Variants in OXR1 observed in about 807,000 individuals in gnomAD.
The protein encoded by OXR1 is oxidation resistance protein 1.
In OXR1, 41 loss-of-function variants were observed where a neutral mutation model predicts 104.6. That is an observed-to-expected ratio of 0.39 (90% CI 0.31 to 0.51). The LOEUF (loss-of-function observed/expected upper bound fraction) is 0.51, where lower values mean the gene tolerates loss of function less well. OXR1 is among the 20% of genes least tolerant of loss of function. OXR1 has a pLI of 0.77. For missense variants in OXR1, 955 were observed against 1,031.9 expected, an observed-to-expected ratio of 0.93 and a Z score of 1.02; for synonymous variants, 348 against 348.4, an observed-to-expected ratio of 1.00 and a Z score of 0.01.
At chr8:106,404,828 C>G (rs1278482941) in intron 2 of OXR1, among the ~76,000 whole-genome samples, 1 of 152,016 alleles carries the variant, frequency 6.6e-6, no homozygotes, top group Non-Finnish European at 1.5e-5. Flanking sequence ...GCCTCAGCCT[C>G]CTGAGTAGCT....
rs574302455 is a variant in OXR1, at chr8:106,587,271, AT to A, written c.220+68143del. On this transcript the variant is annotated intron_variant, in intron 3 of 16. Coordinates refer to ENST00000517566, the MANE Select transcript of OXR1 (RefSeq NM_001198533.2). Reference sequence around the variant, plus strand: ...GTATTGAGTCTGTGGAAGTTCTCTAATTTTTTTTTTTCAGTAAAGTAGGGAC... The same window carrying A: ...GTATTGAGTCTGTGGAAGTTCTCTAATTTTTTTTTTCAGTAAAGTAGGGAC... Among the ~76,000 whole-genome samples the A allele has an allele frequency of 2.1e-3, 313 of 149,036 alleles. 3 individuals are homozygous for A. The highest frequency in any genetic ancestry group is 5.8e-3 in the African/African-American group (237 of 40,782).
chr8:106,684,613 T>C (rs942324835), intron 6 of OXR1, among the ~76,000 whole-genome samples: 2 of 152,174 alleles, frequency 1.3e-5, no homozygotes, highest in African/African-American at 4.8e-5. Context: ...TTAAAGAACA[T>C]ATATAATTTA....
intron 9 of OXR1, among the ~76,000 whole-genome samples, chr8:106,708,257 A>T (rs1221947872): frequency 6.6e-6 from 1 of 152,008 alleles, no homozygotes; most frequent in South Asian, 2.1e-4. Context: ...TTCGTCAGAC[A>T]TGGTGATGGT....
intron 4 of OXR1, among the ~76,000 whole-genome samples, chr8:106,679,539 T>C (rs550940688): frequency 2.0e-5 from 3 of 152,096 alleles, no homozygotes; most frequent in Admixed American, 1.3e-4. Flanking sequence ...ACTGAGAGAG[T>C]TCCCATGGGC....
At chr8:106,568,029 T>C (rs1817207857) in intron 3 of OXR1, among the ~76,000 whole-genome samples, 1 of 152,146 alleles carries the variant, frequency 6.6e-6, no homozygotes, top group Non-Finnish European at 1.5e-5. Context: ...TGTGTTCCCA[T>C]CTACAAAATG....
At chr8:106,669,889 A>G (rs1353679444) in intron 3 of OXR1, among the ~76,000 whole-genome samples, 2 of 152,178 alleles carry the variant, frequency 1.3e-5, no homozygotes, top group East Asian at 3.9e-4. Flanking sequence ...ATAGCAAGCT[A>G]GGTAATTCAG....
intron 1 of OXR1, among the ~76,000 whole-genome samples, chr8:106,275,454 A>G (rs963314385): frequency 2.0e-5 from 3 of 152,210 alleles, no homozygotes; most frequent in Admixed American, 2.0e-4. Context: ...GTTTTGTTCT[A>G]ATGGTGTTTG....
chr8:106,505,336 C>T (rs1190633328), intron 2 of OXR1, among the ~76,000 whole-genome samples: 2 of 152,162 alleles, frequency 1.3e-5, no homozygotes, highest in Non-Finnish European at 2.9e-5. Flanking sequence ...TTTATTAATT[C>T]ATATAGTATA....
chr8:106,596,812 T>C (rs1819559203), intron 3 of OXR1, among the ~76,000 whole-genome samples: 1 of 152,084 alleles, frequency 6.6e-6, no homozygotes, highest in African/African-American at 2.4e-5. Context: ...CCCAGCACTT[T>C]GGGAGGCTGA....
chr8:106,593,724 A>C (rs1051870463), intron 3 of OXR1, among the ~76,000 whole-genome samples: 4 of 152,210 alleles, frequency 2.6e-5, no homozygotes, highest in African/African-American at 9.6e-5. Context: ...TGCAGTGTGC[A>C]GAAATCGCGC....
At chr8:106,531,324 C>T (rs1814080136) in intron 3 of OXR1, among the ~76,000 whole-genome samples, 1 of 152,106 alleles carries the variant, frequency 6.6e-6, no homozygotes, top group African/African-American at 2.4e-5. Context: ...GTATGAGAAA[C>T]ACTATGGATT....
chr8:106,460,262 C>A (rs946374937), intron 2 of OXR1, among the ~76,000 whole-genome samples: 3 of 152,196 alleles, frequency 2.0e-5, no homozygotes, highest in African/African-American at 7.2e-5. Context: ...TAAAGACTTA[C>A]ATTACACCAT....
chr8:106,660,284 G>T (rs1825626313), intron 3 of OXR1, among the ~76,000 whole-genome samples: 1 of 152,196 alleles, frequency 6.6e-6, no homozygotes, highest in Admixed American at 6.5e-5. Context: ...CTTTGCAGCT[G>T]CTTCTCAGAT....
At chr8:106,278,540 A>G (rs1563690967) in intron 1 of OXR1, among the ~76,000 whole-genome samples, 2 of 152,166 alleles carry the variant, frequency 1.3e-5, no homozygotes, top group African/African-American at 2.4e-5. Context: ...AAAATTCTAC[A>G]TCATCCATTA....
rs1259351317 is a variant in OXR1 at position 106,518,971 on chromosome 8, A to G, written c.52A>G (p.Ile18Val). The G allele has an allele frequency of 1.3e-6, 2 of 1,551,496 alleles. No individual in the cohort carries two copies. The highest frequency in any genetic ancestry group is 1.4e-5 in the African/African-American group (1 of 73,166). The part of the protein sequence containing the change: ...WLKKKSQSVD[I>V]NAPGFNPLAG... ...GAAGAAAAAGTCCCAGTCGGTGGAT[A>G]TTAATGCTCCAGGGTTCAACCCTTT... Residue 18 changes from isoleucine to valine, a missense_variant, in exon 3 of 17, where the codon ATT (isoleucine) becomes GTT (valine). By Grantham distance (29) the Ile-to-Val change is conservative. Around this residue, in one of 2 missense-constraint regions of OXR1, gnomAD observed 849 missense variants for 852.9 expected, o/e 1.00. Coordinates refer to ENST00000517566, the MANE Select transcript of OXR1 (RefSeq NM_001198533.2).
At chr8:106,734,186 A>G (rs1190943405) in intron 11 of OXR1, among the ~76,000 whole-genome samples, 1 of 151,990 alleles carries the variant, frequency 6.6e-6, no homozygotes, top group African/African-American at 2.4e-5. Flanking sequence ...TCAAACTGGA[A>G]TGTTATTTTG....
chr8:106,431,186 T>C (rs1819344840), intron 2 of OXR1, among the ~76,000 whole-genome samples: 1 of 152,182 alleles, frequency 6.6e-6, no homozygotes, highest in South Asian at 2.1e-4. Context: ...CCATCCCAGA[T>C]GATAACATGC....
At chr8:106,547,433 A>G (rs1322566423) in intron 3 of OXR1, among the ~76,000 whole-genome samples, 3 of 151,532 alleles carry the variant, frequency 2.0e-5, no homozygotes, top group African/African-American at 7.3e-5. Flanking sequence ...TTCAGTTAGT[A>G]TAATATCTTC....
At chr8:106,275,160 A>G (rs560277759) in intron 1 of OXR1, among the ~76,000 whole-genome samples, 7 of 152,402 alleles carry the variant, frequency 4.6e-5, no homozygotes, top group African/African-American at 1.7e-4. Context: ...TGCAGAAGGC[A>G]GAAGAAATCA....
Sources: gnomAD v4.1 joint callset for allele counts (sites outside exome capture counted in the v4.1 genomes callset) on GRCh38, gnomAD v4.1.1 for gene constraint, gnomAD v4.1.1 regional missense constraint, MANE v1.5 for transcripts, NCBI Gene and HGNC (gene_info 2026-07-23, HGNC 2026-07-21) for gene names.